SRSF5: variants seen among roughly 807,000 people sequenced by gnomAD.
The protein encoded by SRSF5 is serine/arginine-rich splicing factor 5.
Under a neutral mutation model 34.0 loss-of-function variants are expected in SRSF5, and 5 were observed. That is an observed-to-expected ratio of 0.15 (90% CI 0.08 to 0.31). SRSF5 has a LOEUF of 0.31. SRSF5 is among the 10% of genes least tolerant of loss of function. The pLI is 1.00. For missense variants in SRSF5, 223 were observed against 351.4 expected (o/e 0.63, Z 2.92); for synonymous variants, 164 against 117.7 (o/e 1.39, Z -2.55).
chr14:69,769,546 C>G (rs1166964453), intron 5 of SRSF5: 3 of 1,535,266 alleles, frequency 2.0e-6, no homozygotes, highest in African/African-American at 2.7e-5. Context: ...CGAGGAGTGC[C>G]TGTGGGTTAT....
intron 5 of SRSF5, 32 bp from the exon 6 acceptor site, chr14:69,770,435 T>C (rs763052614): frequency 2.9e-5 from 47 of 1,607,236 alleles, no homozygotes; most frequent in South Asian, 4.5e-5. Context: ...CCCTTTCCTC[T>C]TCTTTGCTTA....
In SRSF5 at chr14:69,770,547, A is replaced by C; in HGVS notation, c.440+7A>C. Reference sequence around the variant, plus strand: ...GACCTAAATTAAATGAAGGGTATGTACTGGAAACTGTGAAAGTCTTTAAAA... The same window carrying C: ...GACCTAAATTAAATGAAGGGTATGTCCTGGAAACTGTGAAAGTCTTTAAAA... On this transcript the variant is annotated splice_region_variant and intron_variant, in intron 6 of 7. Coordinates refer to ENST00000557154, the MANE Select transcript of SRSF5 (RefSeq NM_001320214.2). The C allele has an allele frequency of 6.2e-7, 1 of 1,609,954 alleles. No homozygotes were observed. Among genetic ancestry groups the C allele is most frequent in the Non-Finnish European group, 8.5e-7 (1 of 1,177,814 alleles).
chr14:69,769,883 A>G (rs45527638), intron 5 of SRSF5: 186,080 of 1,183,558 alleles, frequency 0.16, 16,084 homozygotes, highest in Admixed American at 0.21. Context: ...GCATCCGCCA[A>G]TAGTCCGCTA....
chr14:69,767,507 C>A (rs948435895), intron 1 of SRSF5: 12 of 455,926 alleles, frequency 2.6e-5, no homozygotes, highest in Non-Finnish European at 5.3e-5. Flanking sequence ...TTAATGTCTT[C>A]ATCTCCTGGA....
intron 5 of SRSF5, chr14:69,769,759 G>C: frequency 2.2e-6 from 3 of 1,367,112 alleles, no homozygotes; most frequent in South Asian, 1.9e-5. Flanking sequence ...TTCCTGTAAC[G>C]CTTCCGAATA....
In SRSF5 at chr14:69,768,479, G is replaced by A. The variant is rs1296906476; in HGVS notation, c.127-125G>A. ...CCCACTCCCAGTGGCTCCTTGATTA[G>A]GTTTGACTGTATGGCAGTGTCGTTA... On this transcript the variant is annotated intron_variant, in intron 2 of 7. Transcript: ENST00000557154. 11 of 1,225,796 alleles carry A rather than the reference G, an allele frequency of 9.0e-6. No individual in the cohort carries two copies. The African/African-American group carries it at 1.2e-4, about 13-fold the overall frequency. The allele number at this position is 1,225,796 out of a possible 1,614,324, so 75.9% of individuals were successfully genotyped here.
At chr14:69,769,662 C>T (rs896393952) in intron 5 of SRSF5, 46 of 1,518,238 alleles carry the variant, frequency 3.0e-5, no homozygotes, top group Non-Finnish European at 3.6e-5. Context: ...CCGGTCTAGA[C>T]GTTATCGGTG....
intron 6 of SRSF5, 101 bp from the exon 7 acceptor site, chr14:69,770,894 A>G (rs1883123385): frequency 2.0e-6 from 2 of 1,013,674 alleles, no homozygotes; most frequent in South Asian, 1.6e-5. Context: ...AATAGTAGCA[A>G]TAGCAAAAGT....
intron 1 of SRSF5, chr14:69,767,670 A>T (rs1338743175): frequency 2.7e-6 from 1 of 367,308 alleles, no homozygotes; most frequent in Non-Finnish European, 5.4e-6. Flanking sequence ...CTTTGATTCC[A>T]CCGCCGCCAT....
intron 5 of SRSF5, chr14:69,770,132 T>C: frequency 2.9e-6 from 3 of 1,050,944 alleles, no homozygotes; most frequent in Non-Finnish European, 2.3e-6. Context: ...TTCTCTACTT[T>C]AGTCTTTACT....
At position 69,771,770 on chromosome 14, in the gene SRSF5, A is replaced by G. The variant is rs1391455258; in HGVS notation, c.*309A>G. On this transcript the variant is annotated 3_prime_UTR_variant, in exon 8 of 8. Transcript: ENST00000557154. Reference sequence around the variant, plus strand: ...CAAATTTAATTTTTTTGTACTAGAAAAAAATTTGAACATTTTAGTTCTTGG... The same window carrying G: ...CAAATTTAATTTTTTTGTACTAGAAGAAAATTTGAACATTTTAGTTCTTGG... 2 of 249,158 alleles carry G rather than the reference A, an allele frequency of 8.0e-6. No homozygotes were observed. Among genetic ancestry groups the G allele is most frequent in the Admixed American group, 5.0e-5 (1 of 20,004 alleles). The allele number at this position is 249,158 out of a possible 1,614,324, so 15.4% of individuals were successfully genotyped here. A position where few individuals can be genotyped will look rare whatever the true frequency, so the allele number is the denominator to read the frequency against.
At chr14:69,767,703 C>T (rs928407532) in intron 1 of SRSF5, 6 of 363,266 alleles carry the variant, frequency 1.7e-5, no homozygotes, top group Middle Eastern at 6.3e-4. Flanking sequence ...GAGCGCCCGC[C>T]CGCTGCTGTT....
intron 2 of SRSF5, 22 bp downstream of exon 2, chr14:69,768,304 A>C: frequency 1.2e-6 from 2 of 1,613,770 alleles, no homozygotes; most frequent in Non-Finnish European, 1.7e-6. Flanking sequence ...GAACTGGGTG[A>C]ATTATCTGCT....
At chr14:69,769,315 A>G (rs1882941296) in intron 5 of SRSF5, 64 bp downstream of exon 5, 5 of 1,598,300 alleles carry the variant, frequency 3.1e-6, no homozygotes, top group Non-Finnish European at 4.3e-6. Context: ...ATGGGTAGCT[A>G]ATGTTGTATT....
Position 69,770,579 on chromosome 14 carries a change from G to A in SRSF5, c.440+39G>A. On this transcript the variant is annotated intron_variant, in intron 6 of 7. Transcript: ENST00000557154. ...ACTGTGAAAGTCTTTAAAAATATCC[G>A]GAAAATTTTACTGTGAACTTAGTTT... 3.8e-6 allele frequency: 6 copies of A among 1,567,052 alleles called. No individual in the cohort carries two copies. The South Asian group carries it at 4.6e-5, about 12-fold the overall frequency.
chr14:69,767,337 T>A (rs1045541357), intron 1 of SRSF5, 82 bp downstream of exon 1: 29 of 455,414 alleles, frequency 6.4e-5, no homozygotes, highest in African/African-American at 5.2e-4. Context: ...CCGGGGCTGC[T>A]CTCTTTGCGG....
chr14:69,770,017 A>G (rs1368518392), intron 5 of SRSF5: 1 of 1,027,814 alleles, frequency 9.7e-7, no homozygotes, highest in Non-Finnish European at 1.2e-6. Flanking sequence ...TTGCTGCTTG[A>G]CTAGCCTAGG....
chr14:69,770,946 T>A (rs952422231), intron 6 of SRSF5, 49 bp from the exon 7 acceptor site: 2 of 1,501,358 alleles, frequency 1.3e-6, no homozygotes, highest in Non-Finnish European at 1.8e-6. Context: ...GTGCAATGTG[T>A]GAGACTACAG....
At chr14:69,769,854 G>C (rs1882997489) in intron 5 of SRSF5, 2 of 1,255,424 alleles carry the variant, frequency 1.6e-6, no homozygotes, top group Non-Finnish European at 2.0e-6. Context: ...CTTGGTAACT[G>C]CTCGAGTAGA....
Sources: gnomAD v4.1 joint callset for allele counts on GRCh38, gnomAD v4.1.1 for gene constraint, MANE v1.5 for transcripts, NCBI Gene and HGNC (gene_info 2026-07-23, HGNC 2026-07-21) for gene names.